Variants in CNDP1 observed in about 807,000 individuals in gnomAD.
CNDP1 encodes carnosine dipeptidase 1.
In CNDP1, 44 loss-of-function variants were observed where a neutral mutation model predicts 58.1. The observed-to-expected ratio is 0.76, with a 90% CI of 0.60 to 0.97. The LOEUF (loss-of-function observed/expected upper bound fraction) is 0.97, where lower values mean the gene tolerates loss of function less well. Among genes scored for constraint, CNDP1 ranks in the 50% least tolerant of loss-of-function variants. The pLI is 0.00. For synonymous variants in CNDP1, 254 were observed against 252.6 expected (o/e 1.01, Z -0.05); for missense variants, 616 against 655.1 (o/e 0.94, Z 0.65).
intron 8 of CNDP1, chr18:74,577,617 G>A (rs12104001): frequency 6.6e-6 from 1 of 152,608 alleles, no homozygotes; most frequent in African/African-American, 2.4e-5. Flanking sequence ...GGGGCCGAGA[G>A]GGGGAAAAGC....
At position 74,580,153 on chromosome 18, in the gene CNDP1, G is replaced by A; in HGVS notation, c.1191G>A (p.Val397=). Reference sequence around the variant, plus strand: ...AGGTGACACGACATCTTGAAGATGTGTTCTCCAAAAGAAATAGTTCCAACA... The same window carrying A: ...AGGTGACACGACATCTTGAAGATGTATTCTCCAAAAGAAATAGTTCCAACA... ...EKQVTRHLED[V]FSKRNSSNKM... is the part of the protein sequence containing the mutation. Residue 397 remains valine (V), a synonymous_variant, in exon 10 of 12, where the codon GTG becomes GTA. Transcript: ENST00000358821. The A allele has an allele frequency of 6.2e-7, 1 of 1,613,666 alleles. No individual in the cohort carries two copies. The highest frequency in any genetic ancestry group is 8.5e-7 in the Non-Finnish European group (1 of 1,179,702).
chr18:74,579,212 T>TG (rs142524170), intron 9 of CNDP1, among the ~76,000 whole-genome samples: 2,564 of 48,646 alleles, frequency 0.053, 38 homozygotes, highest in African/African-American at 0.079. Context: ...TGCCTTCCCT[T>TG]CCCTTCCCTT....
At chr18:74,583,773 C>A (rs759353549) in intron 11 of CNDP1, 65 bp downstream of exon 11, 19 of 1,487,334 alleles carry the variant, frequency 1.3e-5, no homozygotes, top group East Asian at 2.3e-5. Flanking sequence ...CGGGTCTACA[C>A]GTGGGTGAGC....
At chr18:74,541,776 C>G (rs1045827504) in intron 1 of CNDP1, among the ~76,000 whole-genome samples, 1 of 152,166 alleles carries the variant, frequency 6.6e-6, no homozygotes, top group Non-Finnish European at 1.5e-5. Context: ...CCCCAGTGTT[C>G]CAATTCTCAA....
chr18:74,566,363 C>G lies in CNDP1; in HGVS notation c.556-870C>G, dbSNP rs565849995. On this transcript the variant is annotated intron_variant, in intron 5 of 11. Transcript: ENST00000358821. ...ATTTCTCCCCAGAAAATGGGTTTTT[C>G]TTTTCTATCACATAGTCAGGCTGCA... is the stretch of plus-strand genomic sequence containing the variant. Among the ~76,000 whole-genome samples, 3 of 152,324 alleles carry G rather than the reference C, an allele frequency of 2.0e-5. No homozygotes were observed. In the East Asian group the frequency reaches 5.8e-4, roughly 29 times the overall value.
intron 5 of CNDP1, among the ~76,000 whole-genome samples, chr18:74,562,724 G>T (rs10469203): frequency 0.1 from 15,845 of 152,172 alleles, 1,230 homozygotes; most frequent in African/African-American, 0.22. Flanking sequence ...GAGGAGGTGG[G>T]TCCCCTCTTT....
chr18:74,576,080 T>A (rs12962343), intron 7 of CNDP1: 96,861 of 150,986 alleles, frequency 0.64, 31,635 homozygotes, highest in African/African-American at 0.76. Flanking sequence ...CATGTTAGCC[T>A]GGAGGTCTCA....
chr18:74,579,114 CCCT>C (rs1163294085), intron 9 of CNDP1, among the ~76,000 whole-genome samples: 1 of 150,208 alleles, frequency 6.7e-6, no homozygotes, highest in African/African-American at 2.5e-5. Flanking sequence ...TCTCTTCCCT[CCCT>C]CCTTCCTTCC....
At chr18:74,559,601 G>A in intron 3 of CNDP1, 129 bp downstream of exon 3, 1 of 814,254 alleles carries the variant, frequency 1.2e-6, no homozygotes, top group Non-Finnish European at 1.9e-6. Flanking sequence ...AATTCCCAAT[G>A]AAGATGAAAC....
At chr18:74,558,455 C>T (rs1981100293) in intron 2 of CNDP1, among the ~76,000 whole-genome samples, 1 of 135,396 alleles carries the variant, frequency 7.4e-6, no homozygotes, top group Non-Finnish European at 1.5e-5. Context: ...AGTGCAGTGG[C>T]ACGATCTTGG....
At chr18:74,583,530 C>A in intron 10 of CNDP1, 31 bp from the exon 11 acceptor site, 2 of 1,607,704 alleles carry the variant, frequency 1.2e-6, no homozygotes, top group Non-Finnish European at 1.7e-6. Flanking sequence ...TTGTCCTTAC[C>A]CTATTCAAAT....
At position 74,567,015 on chromosome 18, in the gene CNDP1, A is replaced by G. The variant is rs1599097006; in HGVS notation, c.556-218A>G. 3 of 553,388 alleles carry G rather than the reference A, an allele frequency of 5.4e-6. 1 individual carries two copies. The highest frequency in any genetic ancestry group is 1.0e-3 in the Middle Eastern group (2 of 2,000). 34.3% of individuals were successfully genotyped at this position (553,388 alleles called of 1,614,324 possible). The stretch of plus-strand genomic sequence containing the variant: ...TGGCAGCAAGAGAAAATGCGGAAGA[A>G]GCAAACCCCTGATAAACCCATCAGA... On this transcript the variant is annotated intron_variant, in intron 5 of 11. Coordinates refer to ENST00000358821, the MANE Select transcript of CNDP1 (RefSeq NM_032649.6).
chr18:74,566,400 C>G (rs1289944367), intron 5 of CNDP1, among the ~76,000 whole-genome samples: 1 of 152,228 alleles, frequency 6.6e-6, no homozygotes, highest in Non-Finnish European at 1.5e-5. Context: ...ATTTTCTGAA[C>G]TCTTAAGGTC....
intron 5 of CNDP1, among the ~76,000 whole-genome samples, chr18:74,566,757 T>C (rs1195566179): frequency 2.0e-5 from 3 of 152,258 alleles, no homozygotes; most frequent in Non-Finnish European, 1.5e-5. Flanking sequence ...CCCTTCAGAC[T>C]GTTCCAGTCT....
chr18:74,557,736 A>G (rs1177438253), intron 2 of CNDP1, among the ~76,000 whole-genome samples: 1 of 152,260 alleles, frequency 6.6e-6, no homozygotes, highest in Non-Finnish European at 1.5e-5. Context: ...TGTCTGGCAC[A>G]GGACAGGCAT....
chr18:74,541,090 T>G (rs1250325155), intron 1 of CNDP1, among the ~76,000 whole-genome samples: 1 of 152,208 alleles, frequency 6.6e-6, no homozygotes, highest in African/African-American at 2.4e-5. Flanking sequence ...CACACTTTTC[T>G]GTGGTTCACA....
chr18:74,579,935 G>A (rs1981745704), intron 9 of CNDP1, among the ~76,000 whole-genome samples, 195 bp from the exon 10 acceptor site: 1 of 152,234 alleles, frequency 6.6e-6, no homozygotes, highest in African/African-American at 2.4e-5. Flanking sequence ...CAGCACTGAA[G>A]AAGGATCTCA....
chr18:74,549,298 G>T (rs1368784540), intron 1 of CNDP1, among the ~76,000 whole-genome samples: 1 of 152,184 alleles, frequency 6.6e-6, no homozygotes, highest in African/African-American at 2.4e-5. Context: ...TACACGTGAT[G>T]TTAACATTGT....
At chr18:74,536,934 T>A (rs1448127506) in intron 1 of CNDP1, among the ~76,000 whole-genome samples, 2 of 152,262 alleles carry the variant, frequency 1.3e-5, no homozygotes, top group Non-Finnish European at 2.9e-5. Context: ...CATGTATATC[T>A]TCTTTTGAAA....
Sources: allele counts gnomAD v4.1 joint callset (sites outside exome capture counted in the v4.1 genomes callset), GRCh38; gene constraint gnomAD v4.1.1; transcripts MANE v1.5; gene names NCBI Gene and HGNC (gene_info 2026-07-23, HGNC 2026-07-21).